The following TMEFF2 variants were observed in gnomAD, a reference collection of about 807,000 sequenced individuals.
The protein encoded by TMEFF2 is transmembrane protein with EGF like and two follistatin like domains 2.
A neutral mutation model predicts 53.8 loss-of-function variants in TMEFF2; 28 were observed. The ratio of observed to expected loss-of-function variants is 0.52; its 90% CI spans 0.39 to 0.71. The LOEUF is 0.71. TMEFF2 is among the 30% of genes least tolerant of loss of function. The pLI, the probability that TMEFF2 is intolerant of heterozygous loss-of-function variation, is 0.00. For missense variants in TMEFF2, 353 were observed against 455.2 expected (o/e 0.78, Z 2.04); for synonymous variants, 162 against 166.3 (o/e 0.97, Z 0.20).
intron 4 of TMEFF2, among the ~76,000 whole-genome samples, chr2:192,151,189 T>A (rs1195484785): frequency 1.3e-5 from 2 of 151,800 alleles, no homozygotes; most frequent in East Asian, 3.9e-4. Context: ...TCCTGAGGCC[T>A]CCCCAGCCAT....
At chr2:192,039,489 G>C (rs1274983756) in intron 5 of TMEFF2, among the ~76,000 whole-genome samples, 2 of 152,104 alleles carry the variant, frequency 1.3e-5, no homozygotes, top group Non-Finnish European at 2.9e-5. Flanking sequence ...ACTTTGATCA[G>C]ACCAATGTTT....
intron 4 of TMEFF2, among the ~76,000 whole-genome samples, chr2:192,172,642 A>T (rs776670672): frequency 2.0e-5 from 3 of 152,020 alleles, no homozygotes; most frequent in Non-Finnish European, 4.4e-5. Context: ...GGGGAAAAGT[A>T]ATAGAATAGT....
At position 191,989,365 on chromosome 2, in the gene TMEFF2, G is replaced by A. The variant is rs183828211; in HGVS notation, c.745+8897C>T. Among the ~76,000 whole-genome samples the A allele has an allele frequency of 1.5e-3, 229 of 152,286 alleles. 5 individuals carry two copies. The highest frequency in any genetic ancestry group is 0.014 in the Admixed American group (210 of 15,278). ...GTTAGAGCAAGTTATGACAGTTGGG[G>A]AGGAGGTCCTAGCCAAGGACACTTA... On this transcript the variant is annotated intron_variant, in intron 7 of 9. Coordinates refer to ENST00000272771, the MANE Select transcript of TMEFF2 (RefSeq NM_016192.4).
At chr2:192,164,698 A>G (rs1690714907) in intron 4 of TMEFF2, among the ~76,000 whole-genome samples, 1 of 150,922 alleles carries the variant, frequency 6.6e-6, no homozygotes, top group Admixed American at 6.6e-5. Flanking sequence ...ACCGCACTCC[A>G]GCCTGGTGAC....
intron 4 of TMEFF2, among the ~76,000 whole-genome samples, chr2:192,067,690 A>G (rs185964605): frequency 6.6e-6 from 1 of 151,956 alleles, no homozygotes; most frequent in Admixed American, 6.6e-5. Flanking sequence ...ACTTAAAGGT[A>G]TTTTGTGATA....
At chr2:192,006,983 CAATAA>C (rs1686514121) in intron 5 of TMEFF2, among the ~76,000 whole-genome samples, 1 of 152,122 alleles carries the variant, frequency 6.6e-6, no homozygotes, top group African/African-American at 2.4e-5. Flanking sequence ...AATTTTGGTG[CAATAA>C]TATCTGGAGG....
chr2:192,169,380 C>T (rs1254226701), intron 4 of TMEFF2, among the ~76,000 whole-genome samples: 1 of 152,052 alleles, frequency 6.6e-6, no homozygotes, highest in Non-Finnish European at 1.5e-5. Flanking sequence ...TCCCACTGAA[C>T]TACTATCAAC....
At chr2:191,982,052 A>G (rs1685864614) in intron 7 of TMEFF2, among the ~76,000 whole-genome samples, 1 of 152,086 alleles carries the variant, frequency 6.6e-6, no homozygotes. Context: ...TATCATTTTG[A>G]TGGTTTGGGC....
intron 4 of TMEFF2, among the ~76,000 whole-genome samples, chr2:192,090,358 T>C (rs1464833810): frequency 1.3e-5 from 2 of 151,992 alleles, no homozygotes; most frequent in Non-Finnish European, 2.9e-5. Context: ...GTTTTATTAA[T>C]TTTAAGTGTG....
intron 4 of TMEFF2, among the ~76,000 whole-genome samples, chr2:192,111,271 T>C (rs574834059): frequency 1.3e-5 from 2 of 152,294 alleles, no homozygotes; most frequent in East Asian, 3.9e-4. Context: ...ACTTGTTGAA[T>C]GGCTTTGATC....
At chr2:192,032,608 C>G (rs1687168163) in intron 5 of TMEFF2, 1 of 152,164 alleles carries the variant, frequency 6.6e-6, no homozygotes, top group Non-Finnish European at 1.5e-5. Flanking sequence ...ATTATATGAT[C>G]TCCAAGGTCC....
intron 4 of TMEFF2, among the ~76,000 whole-genome samples, chr2:192,093,594 C>T (rs1688839144): frequency 6.6e-6 from 1 of 152,112 alleles, no homozygotes; most frequent in Non-Finnish European, 1.5e-5. Context: ...TAAGATATTT[C>T]TATCCTCTTT....
chr2:192,017,382 G>T (rs915795249), intron 5 of TMEFF2, among the ~76,000 whole-genome samples: 21 of 152,206 alleles, frequency 1.4e-4, no homozygotes, highest in African/African-American at 5.1e-4. Context: ...AGTACCCTCT[G>T]TCAGGAGGAA....
intron 4 of TMEFF2, among the ~76,000 whole-genome samples, chr2:192,100,205 C>T (rs905021586): frequency 4.6e-5 from 7 of 152,116 alleles, no homozygotes; most frequent in Non-Finnish European, 4.4e-5. Context: ...AAATACACTG[C>T]GCACATTTCA....
At chr2:192,085,081 G>C (rs1480454023) in intron 4 of TMEFF2, among the ~76,000 whole-genome samples, 1 of 152,126 alleles carries the variant, frequency 6.6e-6, no homozygotes, top group East Asian at 1.9e-4. Context: ...CTGTATTCAG[G>C]ATGTAACGCT....
intron 4 of TMEFF2, among the ~76,000 whole-genome samples, chr2:192,108,881 GTGC>G (rs1689212113): frequency 6.6e-6 from 1 of 151,992 alleles, no homozygotes; most frequent in Non-Finnish European, 1.5e-5. Context: ...GAGCACTGAA[GTGC>G]TGATTTATGT....
chr2:191,955,452 G>T lies in TMEFF2; in HGVS notation c.869+803C>A, dbSNP rs1021320009. Among the ~76,000 whole-genome samples, 4 of 149,060 alleles carry T rather than the reference G, an allele frequency of 2.7e-5. No individual in the cohort carries two copies. The South Asian group carries it at 8.5e-4, about 32-fold the overall frequency. ...CAGGCTTGAACTCCTGGGCTCAAGG[G>T]ATCATCCCATCTCAGCTCTCAAGTA... is the stretch of plus-strand genomic sequence containing the variant. On this transcript the variant is annotated intron_variant, in intron 8 of 9. Coordinates refer to ENST00000272771, the MANE Select transcript of TMEFF2 (RefSeq NM_016192.4).
intron 5 of TMEFF2, chr2:192,044,573 A>G (rs987440786): frequency 1.3e-5 from 2 of 152,284 alleles, no homozygotes; most frequent in Non-Finnish European, 2.9e-5. Context: ...GAACAAGAAG[A>G]GACTCTGCAA....
intron 4 of TMEFF2, among the ~76,000 whole-genome samples, chr2:192,093,734 T>C (rs1189330568): frequency 6.6e-6 from 1 of 152,032 alleles, no homozygotes; most frequent in Non-Finnish European, 1.5e-5. Flanking sequence ...GATCCACTGC[T>C]GTGATTTTAG....
Sources: gnomAD v4.1 joint callset for allele counts (sites outside exome capture counted in the v4.1 genomes callset) on GRCh38, gnomAD v4.1.1 for gene constraint, MANE v1.5 for transcripts, NCBI Gene and HGNC (gene_info 2026-07-23, HGNC 2026-07-21) for gene names.